SLC38A6: variants seen among roughly 807,000 people sequenced by gnomAD.
SLC38A6 encodes N system amino acid transporter NAT-1.
Under a neutral mutation model 65.0 loss-of-function variants are expected in SLC38A6, and 73 were observed. That is an observed-to-expected ratio of 1.12 (90% CI 0.93 to 1.37). The LOEUF (loss-of-function observed/expected upper bound fraction) is 1.37, where lower values mean the gene tolerates loss of function less well. Ranked by LOEUF, SLC38A6 falls within the 40% of genes most tolerant of loss-of-function variation. The pLI is 0.00. For missense variants in SLC38A6, 561 were observed against 531.1 expected, an observed-to-expected ratio of 1.06 and a Z score of -0.55; for synonymous variants, 183 against 178.8, an observed-to-expected ratio of 1.02 and a Z score of -0.19.
intron 3 of SLC38A6, chr14:61,002,011 G>C (rs1243961900): frequency 6.6e-6 from 1 of 151,816 alleles, no homozygotes; most frequent in Non-Finnish European, 1.5e-5. Flanking sequence ...AATTATATTT[G>C]TTTGTTTTTA....
intron 1 of SLC38A6, chr14:60,981,751 C>T: frequency 7.8e-7 from 1 of 1,286,806 alleles, no homozygotes; most frequent in African/African-American, 1.5e-5. Flanking sequence ...GCAAGAGTCA[C>T]AGGATTTTCC....
intron 5 of SLC38A6, among the ~76,000 whole-genome samples, chr14:61,028,523 T>G (rs2040738989): frequency 6.6e-6 from 1 of 152,168 alleles, no homozygotes; most frequent in South Asian, 2.1e-4. Flanking sequence ...AAGGTTAGTC[T>G]AAACCTTCCT....
intron 8 of SLC38A6, among the ~76,000 whole-genome samples, chr14:61,041,000 TGAGAG>T (rs1043702939): frequency 1.3e-5 from 2 of 152,150 alleles, no homozygotes; most frequent in African/African-American, 4.8e-5. Context: ...TCTCAAGAGT[TGAGAG>T]GAGAGAAGGC....
intron 4 of SLC38A6, 45 bp downstream of exon 4, chr14:61,016,001 T>C (rs2039985083): frequency 6.7e-7 from 1 of 1,484,870 alleles, no homozygotes; most frequent in East Asian, 2.3e-5. Flanking sequence ...CAAAGTGGCA[T>C]TTTTCCTTTT....
intron 4 of SLC38A6, among the ~76,000 whole-genome samples, chr14:61,017,158 C>T (rs147877697): frequency 0.012 from 1,883 of 152,254 alleles, 40 homozygotes; most frequent in African/African-American, 0.043. Context: ...TCTCCTGCCT[C>T]AGCCTCCTAA....
chr14:61,030,508 C>A lies in SLC38A6; in HGVS notation c.467C>A (p.Thr156Asn). The A allele has an allele frequency of 1.9e-6, 3 of 1,608,972 alleles. No homozygotes were observed. Among genetic ancestry groups the A allele is most frequent in the Non-Finnish European group, 2.5e-6 (3 of 1,176,902 alleles). ...CCTGCTGCTATTGCAGAATTTTTGA[C>A]TGGAGACTATAGTAGGTAAGAAAAA... ...ELPAAIAEFLTGDYSRYWYLD... is the reference protein window; with the variant it reads ...ELPAAIAEFLNGDYSRYWYLD... The change falls in exon 6 of 16, where the codon ACT (threonine) becomes AAT (asparagine). Residue 156 changes from threonine (T) to asparagine (N), a missense_variant. Thr to Asn is a moderately conservative substitution (Grantham distance 65, BLOSUM62 0). Transcript: ENST00000267488.
intron 13 of SLC38A6, 75 bp from the exon 14 acceptor site, chr14:61,051,712 G>A (rs2042515405): frequency 6.5e-7 from 1 of 1,532,234 alleles, no homozygotes; most frequent in Non-Finnish European, 8.9e-7. Flanking sequence ...CATGGTTGTT[G>A]TATATGTTTC....
In SLC38A6 at chr14:61,032,533, G is replaced by GAAATAC. The variant is rs1180036578; in HGVS notation, c.482+2012_482+2017dup. Among the ~76,000 whole-genome samples the GAAATAC allele has an allele frequency of 2.0e-5, 3 of 151,762 alleles. No homozygotes were observed. The East Asian group carries it at 5.8e-4, about 29-fold the overall frequency. On this transcript the variant is annotated intron_variant, in intron 6 of 15. Coordinates refer to ENST00000267488, the MANE Select transcript of SLC38A6 (RefSeq NM_153811.3). ...ATTAAAATGTTATTTTTACATGTTA[G>GAAATAC]AAATACATTTTTAAAATCATATACT...
intron 3 of SLC38A6, among the ~76,000 whole-genome samples, chr14:61,010,870 T>C (rs1222083046): frequency 6.6e-6 from 1 of 152,178 alleles, no homozygotes; most frequent in Non-Finnish European, 1.5e-5. Flanking sequence ...ATGCGGGCTC[T>C]TTTTCAGTTC....
rs1329509044 is a variant in SLC38A6 at position 61,046,150 on chromosome 14, G to A, written c.908G>A (p.Gly303Glu). 2 of 1,598,120 alleles carry A rather than the reference G, an allele frequency of 1.3e-6. No individual in the cohort carries two copies. The highest frequency in any genetic ancestry group is 2.2e-5 in the East Asian group (1 of 44,666). The change falls in exon 12 of 16, where the codon GGG becomes GAG. Residue 303 changes from glycine to glutamate, a missense_variant. Transcript: ENST00000267488. Reference protein sequence around the residue: ...FLIYFISALFGYLTFYDKVES... With the variant: ...FLIYFISALFEYLTFYDKVES... ...ATTTATTTTATATCTGCACTCTTTG[G>A]GTACCTCACTTTTTATGGTAAGTAC...
intron 11 of SLC38A6, 32 bp downstream of exon 11, chr14:61,045,457 A>C: frequency 1.3e-6 from 2 of 1,504,618 alleles, no homozygotes; most frequent in Middle Eastern, 1.7e-4. Context: ...TTTTAAATAT[A>C]TTGTGTATCT....
chr14:61,053,137 C>T (rs769441775), downstream of SLC38A6, among the ~76,000 whole-genome samples: 19 of 151,900 alleles, frequency 1.3e-4, no homozygotes, highest in Non-Finnish European at 2.5e-4. Context: ...ATATGGTTTT[C>T]TTTTCCTGTG....
chr14:60,989,277 A>G (rs1303849091), intron 3 of SLC38A6, among the ~76,000 whole-genome samples: 3 of 152,046 alleles, frequency 2.0e-5, no homozygotes, highest in Admixed American at 6.6e-5. Context: ...CACTCCAGCC[A>G]CTTTCTCCCT....
In SLC38A6 at chr14:61,062,176, A is replaced by G. The variant is rs1594772950; in HGVS notation, c.1290+10041A>G. Among the ~76,000 whole-genome samples, 3 of 152,292 alleles carry G rather than the reference A, an allele frequency of 2.0e-5. No individual in the cohort carries two copies. The Middle Eastern group carries it at 0.01, about 518-fold the overall frequency. On this transcript the variant is annotated intron_variant, in intron 15 of 16. Transcript: ENST00000354886. Reference sequence around the variant, plus strand: ...GACATAATTTGCAGCTTATTTGAGTAAATACCATGGAGCACAGTTCCTACA... The same window carrying G: ...GACATAATTTGCAGCTTATTTGAGTGAATACCATGGAGCACAGTTCCTACA...
chr14:61,023,916 A>G (rs1162643004), intron 5 of SLC38A6, among the ~76,000 whole-genome samples: 1 of 152,182 alleles, frequency 6.6e-6, no homozygotes, highest in Non-Finnish European at 1.5e-5. Context: ...TACTTAGCAC[A>G]TAGTATACAT....
At chr14:61,010,138 A>G (rs868165004) in intron 3 of SLC38A6, among the ~76,000 whole-genome samples, 1,648 of 152,190 alleles carry the variant, frequency 0.011, 17 homozygotes, top group Middle Eastern at 0.02. Flanking sequence ...GCCAGTGATG[A>G]TGAGCATTTT....
Position 60,984,785 on chromosome 14 carries a change from A to T in SLC38A6, c.292A>T (p.Ser98Cys). ...LASYSVHLLLSMCIQTAVTSY... is the reference protein window; with the variant it reads ...LASYSVHLLLCMCIQTAVTSY... ...TTCTTACTCAGTCCATCTTCTGCTT[A>T]GTATGTGTATTCAGACAGGTGAGTA... The change falls in exon 3 of 16, where the codon AGT becomes TGT. Residue 98 changes from serine to cysteine, a missense_variant. Physicochemically the swap from Ser to Cys is moderately radical, Grantham distance 112. Transcript: ENST00000267488. 6.2e-7 allele frequency: 1 copy of T among 1,613,896 alleles called. No homozygotes were observed. The highest frequency in any genetic ancestry group is 8.5e-7 in the Non-Finnish European group (1 of 1,179,870).
chr14:61,052,009 T>C (rs2042529860), intron 14 of SLC38A6, 32 bp from the exon 15 acceptor site: 23 of 1,598,914 alleles, frequency 1.4e-5, no homozygotes, highest in Non-Finnish European at 2.0e-5. Flanking sequence ...AATCCAGCAA[T>C]ATCCTCTCTT....
rs750235035 is a variant in SLC38A6 at position 61,037,704 on chromosome 14, A to G, written c.624+21A>G. ...TTGTGGTAAGTTTAAAATATAATAC[A>G]TTGCTTATCTCCTCACTAAAATTGG... On this transcript the variant is annotated intron_variant, in intron 8 of 15. Coordinates refer to ENST00000267488, the MANE Select transcript of SLC38A6 (RefSeq NM_153811.3). The G allele has an allele frequency of 4.6e-5, 67 of 1,466,686 alleles. No homozygotes were observed. In the East Asian group the frequency reaches 1.0e-3, roughly 22 times the overall value. The allele number at this position is 1,466,686 out of a possible 1,614,324, so 90.9% of individuals were successfully genotyped here.
Sources: allele counts gnomAD v4.1 joint callset (sites outside exome capture counted in the v4.1 genomes callset), GRCh38; gene constraint gnomAD v4.1.1; transcripts MANE v1.5; gene names NCBI Gene and HGNC (gene_info 2026-07-23, HGNC 2026-07-21).